GRIK4: variants seen among roughly 807,000 people sequenced by gnomAD.
GRIK4 encodes the protein glutamate receptor ionotropic, kainate 4.
Under a neutral mutation model 104.9 loss-of-function variants are expected in GRIK4, and 40 were observed. That is an observed-to-expected ratio of 0.38 (90% CI 0.30 to 0.50). The LOEUF (loss-of-function observed/expected upper bound fraction) is 0.50. Among genes scored for constraint, GRIK4 ranks in the 20% least tolerant of loss-of-function variants. GRIK4 has a pLI of 0.93. For synonymous variants in GRIK4, 485 were observed against 524.9 expected (o/e 0.92, Z 1.04); for missense variants, 1,047 against 1,308.1 (o/e 0.80, Z 3.08).
At chr11:120,800,977 G>A (rs1952611027) in intron 3 of GRIK4, among the ~76,000 whole-genome samples, 1 of 151,852 alleles carries the variant, frequency 6.6e-6, no homozygotes, top group Non-Finnish European at 1.5e-5. Flanking sequence ...TTCACTTTAA[G>A]TATATAATTC....
At position 120,725,768 on chromosome 11, in the gene GRIK4, T is replaced by TAG. The variant is rs1170496072; in HGVS notation, c.82+65369_82+65370insGA. Among the ~76,000 whole-genome samples, 141 of 152,252 alleles carry TAG rather than the reference T, an allele frequency of 9.3e-4. 1 individual carries two copies. Among genetic ancestry groups the TAG allele is most frequent in the Non-Finnish European group, 1.4e-3 (95 of 68,010 alleles). On this transcript the variant is annotated intron_variant, in intron 3 of 20. Transcript: ENST00000527524. ...TATAAAAAAAAAAAATCTATGGAACTATTGGGTCACTTTCTGTTCCCTTGG... is the reference window on the plus strand; with the variant it reads ...TATAAAAAAAAAAAATCTATGGAACTAGATTGGGTCACTTTCTGTTCCCTTGG...
chr11:120,884,971 C>T (rs1360390228), intron 11 of GRIK4, among the ~76,000 whole-genome samples: 2 of 152,256 alleles, frequency 1.3e-5, no homozygotes, highest in African/African-American at 2.4e-5. Flanking sequence ...TCCTTCCACC[C>T]GGGTGCTTCA....
chr11:120,984,540 A>G (rs1475082353), intron 20 of GRIK4, among the ~76,000 whole-genome samples: 2 of 152,122 alleles, frequency 1.3e-5, no homozygotes, highest in African/African-American at 2.4e-5. Context: ...AGGCCGAGGC[A>G]GGTGAATCAT....
chr11:120,662,786 G>C (rs564711335), intron 3 of GRIK4, among the ~76,000 whole-genome samples: 18 of 152,260 alleles, frequency 1.2e-4, no homozygotes, highest in African/African-American at 4.3e-4. Flanking sequence ...CTCTGAATGG[G>C]GCTGCATGAA....
intron 3 of GRIK4, among the ~76,000 whole-genome samples, chr11:120,721,770 GTGTA>G (rs2135376777): frequency 6.6e-6 from 1 of 152,240 alleles, no homozygotes; most frequent in South Asian, 2.1e-4. Context: ...AAATGCCCTT[GTGTA>G]CCTATCTCTA....
intron 18 of GRIK4, among the ~76,000 whole-genome samples, chr11:120,963,490 G>C (rs17124602): frequency 0.2 from 30,283 of 152,112 alleles, 3,149 homozygotes; most frequent in East Asian, 0.31. Flanking sequence ...ATGCACACTT[G>C]CCCCTTCACA....
chr11:120,882,811 A>G (rs1955003418), intron 11 of GRIK4, among the ~76,000 whole-genome samples: 1 of 152,102 alleles, frequency 6.6e-6, no homozygotes, highest in Non-Finnish European at 1.5e-5. Flanking sequence ...TGGGTGCTGC[A>G]TACCTTTGAG....
intron 13 of GRIK4, among the ~76,000 whole-genome samples, chr11:120,921,450 T>A (rs1943226309): frequency 6.6e-6 from 1 of 152,220 alleles, no homozygotes; most frequent in African/African-American, 2.4e-5. Flanking sequence ...AAGAGCCCAA[T>A]GCTGGGGACC....
chr11:120,589,384 C>T (rs1194866550), intron 1 of GRIK4, among the ~76,000 whole-genome samples: 1 of 152,170 alleles, frequency 6.6e-6, no homozygotes, highest in Non-Finnish European at 1.5e-5. Context: ...CCTTGGCCAC[C>T]ATCTAAATGC....
chr11:120,674,305 C>G (rs1001974240), intron 3 of GRIK4, among the ~76,000 whole-genome samples: 3 of 152,208 alleles, frequency 2.0e-5, no homozygotes, highest in Non-Finnish European at 4.4e-5. Context: ...GATCTGGCCT[C>G]TAGGTTCAGA....
intron 11 of GRIK4, among the ~76,000 whole-genome samples, chr11:120,889,829 C>A (rs1224685942): frequency 2.0e-5 from 3 of 151,980 alleles, no homozygotes; most frequent in Admixed American, 2.0e-4. Flanking sequence ...GTCTTGAACT[C>A]CTGACCTCAG....
chr11:120,717,276 A>G (rs1021466591), intron 3 of GRIK4, among the ~76,000 whole-genome samples: 1 of 152,206 alleles, frequency 6.6e-6, no homozygotes, highest in South Asian at 2.1e-4. Context: ...GTGGTGGGCA[A>G]CGCTGCAGGA....
At chr11:120,686,737 A>T (rs1950282539) in intron 3 of GRIK4, among the ~76,000 whole-genome samples, 1 of 152,218 alleles carries the variant, frequency 6.6e-6, no homozygotes, top group South Asian at 2.1e-4. Context: ...CTTGCTGATT[A>T]TGTTTTATCG....
At chr11:120,807,157 C>G (rs1952727509) in intron 4 of GRIK4, among the ~76,000 whole-genome samples, 2 of 152,198 alleles carry the variant, frequency 1.3e-5, no homozygotes, top group Non-Finnish European at 2.9e-5. Flanking sequence ...CCTGGCCCTT[C>G]CTTCTTTCCC....
intron 6 of GRIK4, among the ~76,000 whole-genome samples, chr11:120,820,235 A>G (rs1173340624): frequency 1.3e-5 from 2 of 152,190 alleles, no homozygotes; most frequent in African/African-American, 4.8e-5. Flanking sequence ...CTAGGTTACA[A>G]GGAGACTGGC....
intron 3 of GRIK4, among the ~76,000 whole-genome samples, chr11:120,661,101 C>T (rs1384308264): frequency 6.6e-6 from 1 of 152,196 alleles, no homozygotes; most frequent in Non-Finnish European, 1.5e-5. Flanking sequence ...ATCCTGGTTC[C>T]TGGGGACACA....
intron 6 of GRIK4, among the ~76,000 whole-genome samples, chr11:120,827,395 A>G (rs1953296162): frequency 6.6e-6 from 1 of 152,132 alleles, no homozygotes; most frequent in Non-Finnish European, 1.5e-5. Context: ...CATCCTGAGC[A>G]AGGCTAATAG....
intron 3 of GRIK4, among the ~76,000 whole-genome samples, chr11:120,765,294 T>C (rs1313325005): frequency 6.6e-6 from 1 of 151,974 alleles, no homozygotes; most frequent in African/African-American, 2.4e-5. Context: ...TGTGCTGTAT[T>C]TTTCAGCTCC....
chr11:120,750,348 C>A (rs1028832480), intron 3 of GRIK4, among the ~76,000 whole-genome samples: 1 of 134,656 alleles, frequency 7.4e-6, no homozygotes, highest in African/African-American at 2.9e-5. Context: ...AACTAGAAAT[C>A]TCTTTTTTTT....
Sources: allele counts gnomAD v4.1 joint callset (sites outside exome capture counted in the v4.1 genomes callset), GRCh38; gene constraint gnomAD v4.1.1; transcripts MANE v1.5; gene names NCBI Gene and HGNC (gene_info 2026-07-23, HGNC 2026-07-21).